Variants in KNTC1 observed in about 807,000 individuals in gnomAD.
KNTC1 encodes the protein kinetochore-associated protein 1.
KNTC1 carries 253 observed loss-of-function variants against 314.4 expected under a neutral mutation model. That is an observed-to-expected ratio of 0.80 (90% CI 0.73 to 0.89). The LOEUF is 0.89. Among genes scored for constraint, KNTC1 ranks in the 40% least tolerant of loss-of-function variants. The probability of loss-of-function intolerance (pLI) is 0.00; values close to 1 mark genes in which losing one functional copy is unlikely to be tolerated. For synonymous variants in KNTC1, 901 were observed against 901.4 expected, an observed-to-expected ratio of 1.00 and a Z score of 0.01; for missense variants, 2,475 against 2,572.9, an observed-to-expected ratio of 0.96 and a Z score of 0.82.
intron 45 of KNTC1, 103 bp downstream of exon 45, chr12:122,601,728 C>G: frequency 9.2e-7 from 1 of 1,091,444 alleles, no homozygotes; most frequent in Non-Finnish European, 1.2e-6. Flanking sequence ...CATTGAATTC[C>G]CTTTAAACTC....
chr12:122,576,533 T>C (rs956319287), intron 29 of KNTC1, among the ~76,000 whole-genome samples: 1 of 152,046 alleles, frequency 6.6e-6, no homozygotes. Flanking sequence ...GCAAAAAAAT[T>C]AGCAGGGTGT....
At chr12:122,533,359 T>C (rs1961530170) in intron 2 of KNTC1, among the ~76,000 whole-genome samples, 1 of 152,076 alleles carries the variant, frequency 6.6e-6, no homozygotes, top group African/African-American at 2.4e-5. Context: ...TTGTTGGCAG[T>C]GCCTTCATGT....
intron 24 of KNTC1, 81 bp downstream of exon 24, chr12:122,571,207 G>A: frequency 1.0e-6 from 1 of 988,544 alleles, no homozygotes; most frequent in Non-Finnish European, 1.5e-6. Flanking sequence ...TGAAGTATCT[G>A]GAAATATATC....
intron 13 of KNTC1, 109 bp downstream of exon 13, chr12:122,549,973 C>G: frequency 1.7e-6 from 1 of 603,296 alleles, no homozygotes; most frequent in Non-Finnish European, 2.9e-6. Context: ...ATTAGTGGAA[C>G]CTAGTGGAAA....
At chr12:122,540,313 C>T (rs1962204307) in intron 5 of KNTC1, among the ~76,000 whole-genome samples, 1 of 151,698 alleles carries the variant, frequency 6.6e-6, no homozygotes, top group Non-Finnish European at 1.5e-5. Context: ...GCTGGGATTA[C>T]AGGCACCTGC....
rs61752342 is a variant in KNTC1, at chr12:122,530,158, A to G, written c.95A>G (p.Gln32Arg). 4.8e-4 allele frequency: 773 copies of G among 1,613,510 alleles called. No individual in the cohort carries two copies. The highest frequency in any genetic ancestry group is 6.0e-4 in the Non-Finnish European group (710 of 1,179,576). ...AAAGAACATGGAACTGCTTTATATC[A>G]AGTAGATTTGCTAGTGAAGATCTCT... ...SRKEHGTALY[Q>R]VDLLVKISSE... Residue 32 changes from glutamine to arginine, a missense_variant, in exon 2 of 64, where the codon CAA becomes CGA. By Grantham distance (43) the Gln-to-Arg change is conservative. Coordinates refer to ENST00000333479, the MANE Select transcript of KNTC1 (RefSeq NM_014708.6).
At chr12:122,588,901 G>A in intron 40 of KNTC1, 85 bp downstream of exon 40, 2 of 758,200 alleles carry the variant, frequency 2.6e-6, no homozygotes, top group Non-Finnish European at 4.2e-6. Context: ...AATAGTTTAT[G>A]ATTCAGTACA....
intron 49 of KNTC1, 73 bp downstream of exon 49, chr12:122,604,710 A>T: frequency 1.6e-6 from 2 of 1,269,868 alleles, no homozygotes; most frequent in Non-Finnish European, 2.3e-6. Flanking sequence ...TTACCTTCTC[A>T]TGCTGCCCTG....
chr12:122,531,924 G>A (rs372055951), intron 2 of KNTC1, among the ~76,000 whole-genome samples: 3 of 151,614 alleles, frequency 2.0e-5, no homozygotes, highest in South Asian at 2.1e-4. Context: ...TAGTAGAGAC[G>A]GGGTTTCACC....
Position 122,620,488 on chromosome 12 carries a change from C to T in KNTC1, c.6159C>T (p.Val2053=). The T allele has an allele frequency of 6.2e-7, 1 of 1,612,858 alleles. No homozygotes were observed. Among genetic ancestry groups the T allele is most frequent in the Non-Finnish European group, 8.5e-7 (1 of 1,179,256 alleles). The part of the protein sequence containing the change: ...ESLIAVLECP[V]SGDLDLIGVA... ...ATGTTCTCTCTCGAAGATGTCCAGT[C>T]TCAGGTGATCTTGACCTGATCGGAG... Residue 2053 remains valine (V), a synonymous_variant, in exon 60 of 64, where the codon GTC becomes GTT. Coordinates refer to ENST00000333479, the MANE Select transcript of KNTC1 (RefSeq NM_014708.6).
Position 122,573,214 on chromosome 12 carries a change from G to C in KNTC1, c.2212G>C (p.Glu738Gln). ...LAPELIPSIL[E>Q]KFIRVYMREH... is the part of the protein sequence containing the mutation. ...CCCAGAGCTTATTCCCTCCATCTTA[G>C]AGAAGTTTATAAGAGTTTACATGAG... The change falls in exon 26 of 64, where the codon GAG becomes CAG. Residue 738 changes from glutamate (E) to glutamine (Q), a missense_variant. Glu to Gln is a conservative substitution (Grantham distance 29). Transcript: ENST00000333479. 6.2e-7 allele frequency: 1 copy of C among 1,613,720 alleles called. No individual in the cohort carries two copies. Among genetic ancestry groups the C allele is most frequent in the Non-Finnish European group, 8.5e-7 (1 of 1,179,692 alleles).
intron 20 of KNTC1, among the ~76,000 whole-genome samples, chr12:122,564,601 TG>T (rs1964183587): frequency 6.6e-6 from 1 of 151,868 alleles, no homozygotes; most frequent in South Asian, 2.1e-4. Context: ...CCAAGTAGCT[TG>T]GGACTACAGA....
rs1198405257 is a variant in KNTC1 at position 122,549,858 on chromosome 12, T to C, written c.1080T>C (p.Ile360=). ...TTTCTTCTCTGGTCCAAACAGGAAT[T>C]AGCACAGTAAGTTTATTTGCATTTT... is the stretch of plus-strand genomic sequence containing the variant. ...SSVSSLVQTG[I]STDTIYLLEG... The change falls in exon 13 of 64, where the codon ATT becomes ATC. Residue 360 remains isoleucine, a synonymous_variant. Transcript: ENST00000333479. 5 of 1,520,592 alleles carry C rather than the reference T, an allele frequency of 3.3e-6. No individual in the cohort carries two copies. Among genetic ancestry groups the C allele is most frequent in the Admixed American group, 1.8e-5 (1 of 55,550 alleles). 94.2% of individuals were successfully genotyped at this position (1,520,592 alleles called of 1,614,324 possible).
At chr12:122,582,491 C>T (rs1016456015) in intron 33 of KNTC1, among the ~76,000 whole-genome samples, 3 of 151,622 alleles carry the variant, frequency 2.0e-5, no homozygotes, top group African/African-American at 4.8e-5. Flanking sequence ...GGGCAAAGGT[C>T]GAAAAACTAC....
chr12:122,572,858 T>C, intron 24 of KNTC1, 79 bp from the exon 25 acceptor site: 1 of 1,176,098 alleles, frequency 8.5e-7, no homozygotes, highest in East Asian at 2.6e-5. Context: ...ATTCTTATTT[T>C]ATCTGAAATA....
At chr12:122,546,092 A>G (rs1218427015) in intron 8 of KNTC1, 84 bp from the exon 9 acceptor site, 10 of 778,032 alleles carry the variant, frequency 1.3e-5, no homozygotes, top group South Asian at 3.1e-5. Flanking sequence ...TTAGTAACCT[A>G]TAAAACTTAC....
intron 24 of KNTC1, among the ~76,000 whole-genome samples, chr12:122,572,548 C>T (rs1964763923): frequency 6.6e-6 from 1 of 152,026 alleles, no homozygotes; most frequent in Admixed American, 6.6e-5. Context: ...TAACTTTTAT[C>T]AATATTGAAG....
Position 122,624,696 on chromosome 12 carries a change from T to A in KNTC1, c.6606+8T>A. The A allele has an allele frequency of 6.2e-7, 1 of 1,600,750 alleles. No homozygotes were observed. The highest frequency in any genetic ancestry group is 8.6e-7 in the Non-Finnish European group (1 of 1,167,778). On this transcript the variant is annotated splice_region_variant and intron_variant, in intron 63 of 63. Transcript: ENST00000333479. ...CCCTGTGAAATTCTGAAGGTAAAGC[T>A]GATGGAAAGTTCTTAGGTTCTAACT...
In KNTC1 at chr12:122,574,342, A is replaced by G; in HGVS notation, c.2344A>G (p.Lys782Glu). Reference protein sequence around the residue: ...TSLFETAWEAKAMAVIACLSD... With the variant: ...TSLFETAWEAEAMAVIACLSD... ...ACTCTTTGAAACAGCATGGGAAGCA[A>G]AGGCCATGGCAGTAATAGCGTGTTT... is the stretch of plus-strand genomic sequence containing the variant. Residue 782 changes from lysine (K) to glutamate (E), a missense_variant, in exon 27 of 64, where the codon AAG (lysine) becomes GAG (glutamate). Lys to Glu is a moderately conservative substitution (Grantham distance 56, BLOSUM62 1). Transcript: ENST00000333479. 1 of 1,611,792 alleles carries G rather than the reference A, an allele frequency of 6.2e-7. No individual in the cohort carries two copies. Among genetic ancestry groups the G allele is most frequent in the Non-Finnish European group, 8.5e-7 (1 of 1,178,402 alleles).
Sources: gnomAD v4.1 joint callset for allele counts (sites outside exome capture counted in the v4.1 genomes callset) on GRCh38, gnomAD v4.1.1 for gene constraint, MANE v1.5 for transcripts, NCBI Gene and HGNC (gene_info 2026-07-23, HGNC 2026-07-21) for gene names.